Variants in DACH1 observed in about 807,000 individuals in gnomAD.
DACH1 encodes the protein dachshund family transcription factor 1.
DACH1 carries 12 observed loss-of-function variants against 54.2 expected under a neutral mutation model. That is an observed-to-expected ratio of 0.22 (90% CI 0.14 to 0.36). DACH1 has a LOEUF of 0.36. Ranked by LOEUF, DACH1 falls within the 10% of genes least tolerant of loss-of-function variation. The pLI is 1.00. For missense variants in DACH1, 805 were observed against 929.8 expected, an observed-to-expected ratio of 0.87 and a Z score of 1.75; for synonymous variants, 386 against 366.2, an observed-to-expected ratio of 1.05 and a Z score of -0.62.
At chr13:71,843,409 T>A (rs974605080) in intron 1 of DACH1, among the ~76,000 whole-genome samples, 1 of 151,974 alleles carries the variant, frequency 6.6e-6, no homozygotes, top group Non-Finnish European at 1.5e-5. Flanking sequence ...GGACCACAGG[T>A]ACATGCCACC....
rs776221764 is a variant in DACH1, at chr13:71,604,396, T to A, written c.1126+26160A>T. Among the ~76,000 whole-genome samples, 4 of 151,912 alleles carry A rather than the reference T, an allele frequency of 2.6e-5. 1 individual carries two copies. In the South Asian group the frequency reaches 8.3e-4, roughly 32 times the overall value. On this transcript the variant is annotated intron_variant, in intron 3 of 10. Transcript: ENST00000613252. ...TTTTTCAACTTTCCACAGTGGAACT[T>A]CACTACTTTGATATTCAATAGACCA...
chr13:71,679,556 T>C (rs1267698541), intron 2 of DACH1, among the ~76,000 whole-genome samples: 1 of 151,882 alleles, frequency 6.6e-6, no homozygotes, highest in Non-Finnish European at 1.5e-5. Context: ...ACAAGTTTAC[T>C]AAATACAGAA....
At chr13:71,838,641 G>A (rs7996481) in intron 1 of DACH1, among the ~76,000 whole-genome samples, 9,049 of 152,222 alleles carry the variant, frequency 0.059, 718 homozygotes, top group African/African-American at 0.18. Context: ...AAGCAATTTT[G>A]AAGCAATTTT....
chr13:71,680,792 T>C (rs1054058836), intron 2 of DACH1, among the ~76,000 whole-genome samples: 4 of 152,134 alleles, frequency 2.6e-5, no homozygotes, highest in African/African-American at 7.2e-5. Context: ...GAGACAGTCA[T>C]TGATGTCAAG....
At chr13:71,597,900 T>G (rs1439065621) in intron 3 of DACH1, among the ~76,000 whole-genome samples, 2 of 152,078 alleles carry the variant, frequency 1.3e-5, no homozygotes, top group African/African-American at 4.8e-5. Context: ...GCATATCGCT[T>G]GAGCCCAGGA....
chr13:71,761,168 C>G (rs1885386474), intron 1 of DACH1, among the ~76,000 whole-genome samples: 1 of 151,840 alleles, frequency 6.6e-6, no homozygotes, highest in African/African-American at 2.4e-5. Flanking sequence ...TACCTCTATG[C>G]TATTCTAACT....
intron 1 of DACH1, among the ~76,000 whole-genome samples, chr13:71,792,493 T>C (rs1269083813): frequency 2.0e-5 from 3 of 152,166 alleles, no homozygotes; most frequent in Admixed American, 6.5e-5. Flanking sequence ...ACTTTTAGTT[T>C]TGATAATAGA....
At chr13:71,840,218 G>A (rs1235747860) in intron 1 of DACH1, among the ~76,000 whole-genome samples, 1 of 152,136 alleles carries the variant, frequency 6.6e-6, no homozygotes, top group African/African-American at 2.4e-5. Context: ...AAAGTGCTGG[G>A]ATTACAGGCA....
intron 2 of DACH1, chr13:71,674,949 C>G: frequency 3.0e-6 from 2 of 655,934 alleles, no homozygotes; most frequent in Admixed American, 2.6e-5. Context: ...AAAACACATA[C>G]AAACGGTGTT....
At chr13:71,533,132 T>G (rs958399681) in intron 6 of DACH1, among the ~76,000 whole-genome samples, 3 of 151,750 alleles carry the variant, frequency 2.0e-5, no homozygotes, top group African/African-American at 7.2e-5. Flanking sequence ...ATCAATAACA[T>G]TCTTTTAAAA....
At chr13:71,442,039 TACAA>T (rs1442375686) in intron 10 of DACH1, among the ~76,000 whole-genome samples, 1 of 152,130 alleles carries the variant, frequency 6.6e-6, no homozygotes, top group Non-Finnish European at 1.5e-5. Context: ...TCCTCTGTGT[TACAA>T]ACAATCCAGT....
At chr13:71,855,146 G>C (rs1193168237) in intron 1 of DACH1, among the ~76,000 whole-genome samples, 2 of 151,788 alleles carry the variant, frequency 1.3e-5, no homozygotes, top group African/African-American at 4.8e-5. Flanking sequence ...TTTATGTTTG[G>C]TTCTTATTGG....
At chr13:71,704,575 C>T in intron 1 of DACH1, 1 of 473,034 alleles carries the variant, frequency 2.1e-6, no homozygotes, top group Non-Finnish European at 4.3e-6. Flanking sequence ...GCCTGCTCCA[C>T]CCAGAGAAGC....
At chr13:71,463,950 A>G (rs1414135352) in intron 10 of DACH1, among the ~76,000 whole-genome samples, 1 of 151,930 alleles carries the variant, frequency 6.6e-6, no homozygotes, top group Non-Finnish European at 1.5e-5. Context: ...TTAGTTTGTG[A>G]GAGGAGAAAC....
chr13:71,809,155 T>A (rs1887617724), intron 1 of DACH1, among the ~76,000 whole-genome samples: 1 of 152,176 alleles, frequency 6.6e-6, no homozygotes, highest in African/African-American at 2.4e-5. Context: ...TGTGAAAAGG[T>A]ATTTATAACA....
At chr13:71,608,517 T>C (rs1409422264) in intron 3 of DACH1, among the ~76,000 whole-genome samples, 1 of 152,070 alleles carries the variant, frequency 6.6e-6, no homozygotes, top group Non-Finnish European at 1.5e-5. Flanking sequence ...TTTATTACCA[T>C]ATGGCTACCA....
At chr13:71,708,603 C>T (rs1330038216) in intron 1 of DACH1, among the ~76,000 whole-genome samples, 2 of 151,894 alleles carry the variant, frequency 1.3e-5, no homozygotes, top group Non-Finnish European at 2.9e-5. Context: ...AATATATTAA[C>T]ATATAATATA....
At chr13:71,828,716 C>A (rs571799730) in intron 1 of DACH1, among the ~76,000 whole-genome samples, 3 of 151,840 alleles carry the variant, frequency 2.0e-5, no homozygotes, top group African/African-American at 7.3e-5. Flanking sequence ...TTACATGGTG[C>A]CTCTGTGGTT....
intron 1 of DACH1, among the ~76,000 whole-genome samples, chr13:71,689,462 G>C (rs1351359558): frequency 6.6e-6 from 1 of 152,144 alleles, no homozygotes; most frequent in Non-Finnish European, 1.5e-5. Flanking sequence ...GGAAATGCAA[G>C]AGTTCACCAT....
Sources: gnomAD v4.1 joint callset for allele counts (sites outside exome capture counted in the v4.1 genomes callset) on GRCh38, gnomAD v4.1.1 for gene constraint, MANE v1.5 for transcripts, NCBI Gene and HGNC (gene_info 2026-07-23, HGNC 2026-07-21) for gene names.